Variants in SYNE3 observed in about 807,000 individuals in gnomAD.
The protein encoded by SYNE3 is spectrin repeat containing nuclear envelope family member 3.
Under a neutral mutation model 111.2 loss-of-function variants are expected in SYNE3, and 100 were observed. That is an observed-to-expected ratio of 0.90 (90% confidence interval 0.77 to 1.06). SYNE3 has a LOEUF of 1.06. SYNE3 is among the 50% of genes least tolerant of loss of function. The pLI, the probability that SYNE3 is intolerant of heterozygous loss-of-function variation, is 0.00. For missense variants in SYNE3, 1,160 were observed against 1,240.3 expected (o/e 0.94, Z 0.97); for synonymous variants, 547 against 533.9 (o/e 1.02, Z -0.34).
intron 4 of SYNE3, among the ~76,000 whole-genome samples, chr14:95,461,675 T>G (rs1013461886): frequency 6.6e-6 from 1 of 152,194 alleles, no homozygotes; most frequent in African/African-American, 2.4e-5. Context: ...TAGGTAAAAG[T>G]AGGGGCACTA....
intron 1 of SYNE3, among the ~76,000 whole-genome samples, chr14:95,486,362 A>AC (rs1426420758): frequency 6.9e-6 from 1 of 144,742 alleles, no homozygotes; most frequent in South Asian, 2.4e-4. Context: ...CCCCCAGGCC[A>AC]CCCCCCACCC....
intron 1 of SYNE3, among the ~76,000 whole-genome samples, chr14:95,505,419 G>A (rs1227496110): frequency 1.3e-5 from 2 of 152,224 alleles, no homozygotes; most frequent in African/African-American, 2.4e-5. Context: ...GCCAGGCCAG[G>A]TGGCTAGTGC....
At chr14:95,473,358 G>A (rs1305644705) in intron 2 of SYNE3, among the ~76,000 whole-genome samples, 2 of 152,178 alleles carry the variant, frequency 1.3e-5, no homozygotes, top group African/African-American at 2.4e-5. Flanking sequence ...CACCAGCAAA[G>A]GGTAGAAAGT....
chr14:95,460,368 T>G (rs1481254178), intron 4 of SYNE3, among the ~76,000 whole-genome samples: 1 of 16,360 alleles, frequency 6.1e-5, no homozygotes. Flanking sequence ...CGATGCCTAG[T>G]TTTTTTTTTT....
chr14:95,462,638 T>C (rs1052824967), intron 4 of SYNE3, among the ~76,000 whole-genome samples: 1 of 152,210 alleles, frequency 6.6e-6, no homozygotes, highest in Non-Finnish European at 1.5e-5. Flanking sequence ...TTGAGAGCCC[T>C]GGATGCAAGG....
At chr14:95,479,224 C>CA (rs71132351) in intron 1 of SYNE3, among the ~76,000 whole-genome samples, 6,404 of 86,112 alleles carry the variant, frequency 0.074, 487 homozygotes, top group Non-Finnish European at 0.1. Context: ...TCGTCTCTAC[C>CA]AAAAAAAAAA....
intron 8 of SYNE3, among the ~76,000 whole-genome samples, chr14:95,448,658 AG>A (rs1167219198): frequency 6.6e-6 from 1 of 152,250 alleles, no homozygotes; most frequent in Non-Finnish European, 1.5e-5. Flanking sequence ...ACTGCACTCC[AG>A]CCTGGGTGAT....
chr14:95,488,415 C>A (rs550336998), intron 1 of SYNE3, among the ~76,000 whole-genome samples: 2 of 152,138 alleles, frequency 1.3e-5, no homozygotes, highest in East Asian at 3.9e-4. Flanking sequence ...CATGCACCCA[C>A]GGATGGATAG....
chr14:95,439,170 G>A lies in SYNE3; in HGVS notation c.2247-8C>T. On this transcript the variant is annotated splice_polypyrimidine_tract_variant and splice_region_variant and intron_variant, in intron 13 of 17. Transcript: ENST00000682763. The stretch of plus-strand genomic sequence containing the variant: ...TGCCAGTTTCTGATGAGGCTGAGAA[G>A]ACAAACTCAGCCCAGTCAATGCAGA... 1 of 1,614,208 alleles carries A rather than the reference G, an allele frequency of 6.2e-7. No individual in the cohort carries two copies. The highest frequency in any genetic ancestry group is 8.5e-7 in the Non-Finnish European group (1 of 1,180,016).
At chr14:95,513,221 A>G (rs1448099431) in intron 1 of SYNE3, among the ~76,000 whole-genome samples, 1 of 152,130 alleles carries the variant, frequency 6.6e-6, no homozygotes, top group African/African-American at 2.4e-5. Flanking sequence ...ATTTAAGCTA[A>G]TCACCTTCTT....
rs867849120 is a variant in SYNE3, at chr14:95,409,377, G to A, written c.*8449C>T. 1 of 456,790 alleles carries A rather than the reference G, an allele frequency of 2.2e-6. No homozygotes were observed. Among genetic ancestry groups the A allele is most frequent in the Admixed American group, 2.3e-5 (1 of 42,582 alleles). The allele number at this position is 456,790 out of a possible 1,614,324, so 28.3% of individuals were successfully genotyped here. On this transcript the variant is annotated 3_prime_UTR_variant, in exon 18 of 18. Transcript: ENST00000682763. ...CATCAGAACAGGAAGAGGGACTGTA[G>A]GACTTTGTCCCTCATCTCCACAGAG...
intron 1 of SYNE3, among the ~76,000 whole-genome samples, chr14:95,486,835 T>G (rs999564437): frequency 1.3e-5 from 2 of 152,158 alleles, no homozygotes; most frequent in Admixed American, 6.5e-5. Flanking sequence ...CACATAAAAC[T>G]CATGGTCTCC....
chr14:95,511,661 G>A (rs1890725132), intron 1 of SYNE3, among the ~76,000 whole-genome samples: 1 of 152,068 alleles, frequency 6.6e-6, no homozygotes, highest in Non-Finnish European at 1.5e-5. Context: ...GTTACGGTGA[G>A]CTGAGATCAC....
intron 17 of SYNE3, among the ~76,000 whole-genome samples, chr14:95,427,585 C>T (rs1885509297): frequency 6.6e-6 from 1 of 152,216 alleles, no homozygotes; most frequent in Non-Finnish European, 1.5e-5. Flanking sequence ...CTCCCTCTCT[C>T]TCCCTCTCTC....
chr14:95,466,757 C>T (rs1273592605), intron 3 of SYNE3, among the ~76,000 whole-genome samples: 4 of 152,220 alleles, frequency 2.6e-5, no homozygotes, highest in Non-Finnish European at 5.9e-5. Flanking sequence ...TAACAGCAGG[C>T]ATGGCCTAAA....
Position 95,475,733 on chromosome 14 carries a change from T to C in SYNE3, c.89A>G (p.Asn30Ser), listed in dbSNP as rs77114672. ...MKAVQDQLQVNDNTQGPRAAL... is the reference protein window; with the variant it reads ...MKAVQDQLQVSDNTQGPRAAL... ...CGCGCGGGGTCCCTGCGTGTTGTCA[T>C]TGACCTGCAGCTGGTCCTGCACAGC... Residue 30 changes from asparagine (N) to serine (S), a missense_variant, in exon 2 of 18, where the codon AAT becomes AGT. Coordinates refer to ENST00000682763, the MANE Select transcript of SYNE3 (RefSeq NM_152592.6). 4 of 1,607,386 alleles carry C rather than the reference T, an allele frequency of 2.5e-6. No individual in the cohort carries two copies. The highest frequency in any genetic ancestry group is 1.3e-5 in the African/African-American group (1 of 74,698).
In SYNE3 at chr14:95,463,161, TA is replaced by T. The variant is rs111376853; in HGVS notation, c.627+2769del. Among the ~76,000 whole-genome samples, 5 of 151,428 alleles carry T rather than the reference TA, an allele frequency of 3.3e-5. No individual in the cohort carries two copies. In the East Asian group the frequency reaches 9.7e-4, roughly 30 times the overall value. On this transcript the variant is annotated intron_variant, in intron 4 of 17. Transcript: ENST00000682763. ...ACAAGAGTGAAACTCAGTCTCAAAA[TA>T]AAAAAAAGAGTCCAATAACAACTTC...
chr14:95,494,973 G>A (rs988391657), intron 1 of SYNE3, among the ~76,000 whole-genome samples: 2 of 152,134 alleles, frequency 1.3e-5, no homozygotes, highest in Non-Finnish European at 2.9e-5. Context: ...TCAGTTGGGC[G>A]TGGTGGCAGG....
chr14:95,428,380 A>G (rs1382689237), intron 17 of SYNE3, among the ~76,000 whole-genome samples: 6 of 152,244 alleles, frequency 3.9e-5, no homozygotes, highest in African/African-American at 1.4e-4. Flanking sequence ...CACTGGAAGA[A>G]CTACATTGTA....
Sources: gnomAD v4.1 joint callset for allele counts (sites outside exome capture counted in the v4.1 genomes callset) on GRCh38, gnomAD v4.1.1 for gene constraint, MANE v1.5 for transcripts, NCBI Gene and HGNC (gene_info 2026-07-23, HGNC 2026-07-21) for gene names.